The following MECOM variants were observed in gnomAD, a reference collection of about 807,000 sequenced individuals.
MECOM encodes MDS1 and EVI1 complex locus.
In MECOM, 13 loss-of-function variants were observed where a neutral mutation model predicts 116.3. The ratio of observed to expected loss-of-function variants is 0.11; its 90% CI spans 0.07 to 0.18. The LOEUF is 0.18. MECOM is among the 10% of genes least tolerant of loss of function. The pLI, the probability that MECOM is intolerant of heterozygous loss-of-function variation, is 1.00. For synonymous variants in MECOM, 528 were observed against 535.2 expected (o/e 0.99, Z 0.19); for missense variants, 1,299 against 1,509.0 (o/e 0.86, Z 2.31).
At chr3:169,581,466 A>G (rs1327079793) in intron 1 of MECOM, among the ~76,000 whole-genome samples, 1 of 151,730 alleles carries the variant, frequency 6.6e-6, no homozygotes, top group Non-Finnish European at 1.5e-5. Context: ...TTCTTTTTTA[A>G]TTACTGAAGA....
chr3:169,227,898 T>C (rs1752933745), intron 2 of MECOM, among the ~76,000 whole-genome samples: 1 of 152,034 alleles, frequency 6.6e-6, no homozygotes, highest in East Asian at 1.9e-4. Context: ...AAACAAAGGG[T>C]GGGTATGGAG....
At chr3:169,523,519 G>A (rs1757598555) in intron 1 of MECOM, among the ~76,000 whole-genome samples, 1 of 151,894 alleles carries the variant, frequency 6.6e-6, no homozygotes, top group South Asian at 2.1e-4. Flanking sequence ...TTACATACTG[G>A]GTTCTGTACT....
At chr3:169,647,947 A>G (rs1010570727) in intron 1 of MECOM, among the ~76,000 whole-genome samples, 10 of 152,140 alleles carry the variant, frequency 6.6e-5, no homozygotes, top group African/African-American at 2.4e-4. Context: ...GCCAGAAAAC[A>G]TGTTTACGGT....
At chr3:169,662,257 G>T (rs371575830) in intron 1 of MECOM, among the ~76,000 whole-genome samples, 1 of 152,328 alleles carries the variant, frequency 6.6e-6, no homozygotes, top group Admixed American at 6.5e-5. Context: ...CGCCGGGGAG[G>T]GTTATTGACC....
intron 1 of MECOM, among the ~76,000 whole-genome samples, chr3:169,533,486 A>G (rs1758908686): frequency 6.6e-6 from 1 of 151,700 alleles, no homozygotes; most frequent in African/African-American, 2.4e-5. Context: ...GCTGAAATGC[A>G]TGGGTCTATT....
intron 1 of MECOM, among the ~76,000 whole-genome samples, chr3:169,481,503 A>C (rs1034954515): frequency 3.3e-5 from 5 of 152,146 alleles, no homozygotes; most frequent in Non-Finnish European, 4.4e-5. Flanking sequence ...CAGTAAGCCA[A>C]GATGGTGCCA....
intron 3 of MECOM, among the ~76,000 whole-genome samples, chr3:169,138,792 A>C (rs536844906): frequency 5.3e-5 from 8 of 152,268 alleles, no homozygotes; most frequent in African/African-American, 1.9e-4. Flanking sequence ...ATACATAGCT[A>C]ATCTACCTTG....
intron 9 of MECOM, among the ~76,000 whole-genome samples, chr3:169,111,770 T>C (rs1258201223): frequency 6.6e-6 from 1 of 151,914 alleles, no homozygotes; most frequent in Non-Finnish European, 1.5e-5. Flanking sequence ...TTCAGGACTC[T>C]AGAAAGATAC....
intron 9 of MECOM, among the ~76,000 whole-genome samples, chr3:169,112,291 G>T (rs1281884523): frequency 6.6e-6 from 1 of 152,118 alleles, no homozygotes; most frequent in East Asian, 1.9e-4. Context: ...GTGAATTCTT[G>T]TGCAATTACA....
Position 169,107,912 on chromosome 3 carries a change from A to T in MECOM, c.2604+14T>A. The T allele has an allele frequency of 6.2e-7, 1 of 1,609,592 alleles. No homozygotes were observed. Among genetic ancestry groups the T allele is most frequent in the East Asian group, 2.2e-5 (1 of 44,764 alleles). On this transcript the variant is annotated intron_variant, in intron 10 of 16. Transcript: ENST00000651503. Reference sequence around the variant, plus strand: ...CTACATCACTTTAGTCAAAAATATAAGTAGGAAACTTACCCAAGTTCTCTG... The same window carrying T: ...CTACATCACTTTAGTCAAAAATATATGTAGGAAACTTACCCAAGTTCTCTG...
At chr3:169,395,119 A>G (rs1734828403) in intron 1 of MECOM, among the ~76,000 whole-genome samples, 1 of 152,216 alleles carries the variant, frequency 6.6e-6, no homozygotes, top group African/African-American at 2.4e-5. Context: ...CAAAAAGATC[A>G]TGCACACTCC....
At position 169,611,587 on chromosome 3, in the gene MECOM, C is replaced by T. The variant is rs889871112; in HGVS notation, c.37+51749G>A. 2.0e-5 allele frequency among the ~76,000 whole-genome samples: 3 copies of T among 152,190 alleles called. No individual in the cohort carries two copies. The highest frequency in any genetic ancestry group is 4.8e-5 in the African/African-American group (2 of 41,438). On this transcript the variant is annotated intron_variant, in intron 1 of 16. Coordinates refer to ENST00000651503, the MANE Select transcript of MECOM (RefSeq NM_004991.4). The surrounding 1 kb of genome is among the most constrained non-coding windows in gnomAD (Gnocchi z 4.1). Reference sequence around the variant, plus strand: ...AATGGCAAAAAGAATATTAACATGTCCTGTTTCCATTGCTTTCCTTCTGAC... The same window carrying T: ...AATGGCAAAAAGAATATTAACATGTTCTGTTTCCATTGCTTTCCTTCTGAC...
At position 169,131,420 on chromosome 3, in the gene MECOM, G is replaced by A. The variant is rs1266000886; in HGVS notation, c.613+9C>T. 1 of 1,609,086 alleles carries A rather than the reference G, an allele frequency of 6.2e-7. No homozygotes were observed. Among genetic ancestry groups the A allele is most frequent in the Non-Finnish European group, 8.5e-7 (1 of 1,175,602 alleles). On this transcript the variant is annotated intron_variant, in intron 4 of 16. Coordinates refer to ENST00000651503, the MANE Select transcript of MECOM (RefSeq NM_004991.4). The stretch of plus-strand genomic sequence containing the variant: ...AGGTGATAAGGAGGGTGGCGTGAGT[G>A]GTACTAACCGTGGATATCCGGCGCC...
chr3:169,248,852 C>G (rs1012303725), intron 2 of MECOM, among the ~76,000 whole-genome samples: 1 of 152,102 alleles, frequency 6.6e-6, no homozygotes, highest in Admixed American at 6.6e-5. Flanking sequence ...CAGAAGAAAC[C>G]AAGCCTGCCA....
chr3:169,483,202 A>ATTTTTTTTTTTT (rs200735642), intron 1 of MECOM, among the ~76,000 whole-genome samples: 3 of 102,980 alleles, frequency 2.9e-5, no homozygotes, highest in Non-Finnish European at 6.2e-5. Context: ...TTTTATTTTT[A>ATTTTTTTTTTTT]TTTTTTTTTT....
intron 1 of MECOM, among the ~76,000 whole-genome samples, chr3:169,596,999 G>C (rs924475438): frequency 6.6e-6 from 1 of 152,126 alleles, no homozygotes; most frequent in Non-Finnish European, 1.5e-5. Context: ...GGGAGTTGAG[G>C]GGTTGGAAGG....
chr3:169,178,931 T>C (rs1745574867), intron 2 of MECOM, among the ~76,000 whole-genome samples: 1 of 152,220 alleles, frequency 6.6e-6, no homozygotes, highest in South Asian at 2.1e-4. Context: ...TAAGCACTAT[T>C]AATCATGAAA....
At chr3:169,177,386 C>T (rs1211879308) in intron 2 of MECOM, among the ~76,000 whole-genome samples, 1 of 152,064 alleles carries the variant, frequency 6.6e-6, no homozygotes, top group African/African-American at 2.4e-5. Flanking sequence ...TCAAACACCA[C>T]ATGTTCTCAC....
At chr3:169,191,673 AAAG>A (rs57924199) in intron 2 of MECOM, among the ~76,000 whole-genome samples, 26,745 of 147,302 alleles carry the variant, frequency 0.18, 3,544 homozygotes, top group East Asian at 0.5. Context: ...AAACAGAGAG[AAAG>A]AAGAAGGAAA....
Sources: gnomAD v4.1 joint callset for allele counts (sites outside exome capture counted in the v4.1 genomes callset) on GRCh38, gnomAD v4.1.1 for gene constraint, Gnocchi (gnomAD v3.1) non-coding constraint, MANE v1.5 for transcripts, NCBI Gene and HGNC (gene_info 2026-07-23, HGNC 2026-07-21) for gene names.